The following TMEM108 variants were observed in gnomAD, a reference collection of about 807,000 sequenced individuals.
TMEM108 encodes the protein transmembrane protein 108, also known as cancer/testis antigen 124.
TMEM108 carries 12 observed loss-of-function variants against 35.1 expected under a neutral mutation model. That is an observed-to-expected ratio of 0.34 (90% CI 0.22 to 0.55). The LOEUF (loss-of-function observed/expected upper bound fraction) is 0.55, where lower values mean the gene tolerates loss of function less well. Among genes scored for constraint, TMEM108 ranks in the 20% least tolerant of loss-of-function variants. The probability of loss-of-function intolerance (pLI) is 0.89; values close to 1 mark genes in which losing one functional copy is unlikely to be tolerated. For synonymous variants in TMEM108, 287 were observed against 308.6 expected (o/e 0.93, Z 0.73); for missense variants, 680 against 753.3 (o/e 0.90, Z 1.14).
At chr3:133,222,965 C>T (rs1287907489) in intron 2 of TMEM108, among the ~76,000 whole-genome samples, 1 of 152,082 alleles carries the variant, frequency 6.6e-6, no homozygotes, top group South Asian at 2.1e-4. Flanking sequence ...GGACCATAGG[C>T]ACACATCACC....
At chr3:133,166,457 T>C (rs1278883178) in intron 2 of TMEM108, among the ~76,000 whole-genome samples, 3 of 152,258 alleles carry the variant, frequency 2.0e-5, no homozygotes, top group Non-Finnish European at 4.4e-5. Flanking sequence ...ACCCTCGCAG[T>C]GAGCGTTACA....
chr3:133,368,260 C>A (rs564408122), intron 3 of TMEM108, among the ~76,000 whole-genome samples: 3 of 152,288 alleles, frequency 2.0e-5, no homozygotes, highest in Admixed American at 2.0e-4. Context: ...CTATTAGCTG[C>A]CCCCCTAACA....
intron 3 of TMEM108, among the ~76,000 whole-genome samples, chr3:133,280,003 T>C (rs1473884517): frequency 6.6e-6 from 1 of 151,826 alleles, no homozygotes; most frequent in Non-Finnish European, 1.5e-5. Flanking sequence ...AATTTTGAGA[T>C]GTGGGCACAT....
chr3:133,165,483 T>C (rs898505929), intron 2 of TMEM108, among the ~76,000 whole-genome samples: 2 of 152,126 alleles, frequency 1.3e-5, no homozygotes, highest in Admixed American at 1.3e-4. Context: ...TCATGACATA[T>C]TGGTAAGTGG....
In TMEM108 at chr3:133,164,832, A is replaced by G. The variant is rs146428741; in HGVS notation, c.-46-64434A>G. Among the ~76,000 whole-genome samples, 773 of 152,260 alleles carry G rather than the reference A, an allele frequency of 5.1e-3. 8 individuals carry two copies. Among genetic ancestry groups the G allele is most frequent in the African/African-American group, 0.018 (730 of 41,564 alleles). On this transcript the variant is annotated intron_variant, in intron 2 of 5. Transcript: ENST00000321871. ...CACAAGAGAGGTCTCATTTTTATTG[A>G]AAAAAACATTAATAATGTACATAAT...
At chr3:133,294,855 TAAAG>T (rs1947121095) in intron 3 of TMEM108, among the ~76,000 whole-genome samples, 1 of 152,190 alleles carries the variant, frequency 6.6e-6, no homozygotes, top group African/African-American at 2.4e-5. Context: ...GAATTTTTAA[TAAAG>T]AAATTAATGT....
intron 3 of TMEM108, among the ~76,000 whole-genome samples, chr3:133,311,758 G>A (rs975898148): frequency 1.1e-4 from 16 of 152,172 alleles, no homozygotes; most frequent in African/African-American, 2.4e-4. Context: ...CATTGCTGGC[G>A]AGGAGCTGCG....
intron 2 of TMEM108, among the ~76,000 whole-genome samples, chr3:133,049,489 A>T (rs1160601254): frequency 6.6e-6 from 1 of 152,172 alleles, no homozygotes; most frequent in Non-Finnish European, 1.5e-5. Flanking sequence ...GAATGATAGT[A>T]TGCTCTTGTT....
chr3:133,256,946 T>C (rs1264421648), intron 3 of TMEM108: 1 of 152,224 alleles, frequency 6.6e-6, no homozygotes, highest in Non-Finnish European at 1.5e-5. Flanking sequence ...GTCTTACCCG[T>C]GAACATAGTT....
intron 2 of TMEM108, among the ~76,000 whole-genome samples, chr3:133,133,792 G>A (rs1383385340): frequency 6.7e-6 from 1 of 149,354 alleles, no homozygotes; most frequent in African/African-American, 2.5e-5. Flanking sequence ...CCAGGTTCAC[G>A]CCATTCTATC....
chr3:133,087,385 T>C (rs1296517784), intron 2 of TMEM108, among the ~76,000 whole-genome samples: 1 of 152,252 alleles, frequency 6.6e-6, no homozygotes, highest in Non-Finnish European at 1.5e-5. Flanking sequence ...TCATGCCTTA[T>C]AACCATAGGC....
In TMEM108 at chr3:133,157,631, G is replaced by A. The variant is rs186957137; in HGVS notation, c.-46-71635G>A. Among the ~76,000 whole-genome samples the A allele has an allele frequency of 1.0e-3, 152 of 152,244 alleles. 1 individual carries two copies. The East Asian group carries it at 0.011, about 11-fold the overall frequency. ...GTGCTTGAGACCCATGGAAGGAATGGTATTCTGCTTAAGAGTACTTTTAAC... is the reference window on the plus strand; with the variant it reads ...GTGCTTGAGACCCATGGAAGGAATGATATTCTGCTTAAGAGTACTTTTAAC... On this transcript the variant is annotated intron_variant, in intron 2 of 5. Transcript: ENST00000321871.
chr3:133,274,388 T>A (rs979113303), intron 3 of TMEM108, among the ~76,000 whole-genome samples: 1 of 152,198 alleles, frequency 6.6e-6, no homozygotes, highest in African/African-American at 2.4e-5. Flanking sequence ...TTCCTTTCTC[T>A]TATGATGGGA....
rs1193908610 is a variant in TMEM108 at position 133,379,927 on chromosome 3, A to AC, written c.222dup (p.Ser75LeufsTer36). 2 of 1,610,722 alleles carry AC rather than the reference A, an allele frequency of 1.2e-6. No individual in the cohort carries two copies. Among genetic ancestry groups the AC allele is most frequent in the South Asian group, 1.1e-5 (1 of 90,808 alleles). On this transcript the variant is annotated frameshift_variant, in exon 4 of 6. Transcript: ENST00000321871. LOFTEE classifies it high-confidence loss of function. ...TGATGCTGACCCCCAATCCCGATGG[A>AC]CCCCCCTCACAGGCTGCAGCTCCCA...
chr3:133,140,772 C>T (rs1170744043), intron 2 of TMEM108, among the ~76,000 whole-genome samples: 3 of 150,572 alleles, frequency 2.0e-5, no homozygotes, highest in Admixed American at 1.3e-4. Flanking sequence ...TACCAGAAGA[C>T]AGAAAATTAA....
chr3:133,175,212 A>C (rs1945199379), intron 2 of TMEM108, among the ~76,000 whole-genome samples: 1 of 152,244 alleles, frequency 6.6e-6, no homozygotes, highest in Non-Finnish European at 1.5e-5. Context: ...GGTGTACCTG[A>C]AAGTGACGGG....
chr3:133,332,131 C>CT (rs2071403559), intron 3 of TMEM108, among the ~76,000 whole-genome samples: 1 of 152,066 alleles, frequency 6.6e-6, no homozygotes, highest in African/African-American at 2.4e-5. Context: ...TAGACACTCT[C>CT]TAAGTTTAGC....
rs141461506 is a variant in TMEM108 at position 133,320,340 on chromosome 3, A to T, written c.41-59412A>T. Among the ~76,000 whole-genome samples, 1,090 of 151,782 alleles carry T rather than the reference A, an allele frequency of 7.2e-3. 16 individuals carry two copies. The highest frequency in any genetic ancestry group is 0.025 in the African/African-American group (1,042 of 41,330). ...TAGCTATCATAAAGAAAAAAAAAAC[A>T]ATCACAACTTCTGGAAATGAAAGAC... On this transcript the variant is annotated intron_variant, in intron 3 of 5. Transcript: ENST00000321871.
chr3:133,169,188 C>T (rs1945091246), intron 2 of TMEM108, among the ~76,000 whole-genome samples: 1 of 152,198 alleles, frequency 6.6e-6, no homozygotes, highest in African/African-American at 2.4e-5. Context: ...CTTAAAGGTC[C>T]CACTTCTCAA....
Sources: allele counts gnomAD v4.1 joint callset (sites outside exome capture counted in the v4.1 genomes callset), GRCh38; gene constraint gnomAD v4.1.1; transcripts MANE v1.5; gene names NCBI Gene and HGNC (gene_info 2026-07-23, HGNC 2026-07-21).